CDK13: variants seen among roughly 807,000 people sequenced by gnomAD.
CDK13 encodes cyclin-dependent kinase 13.
A neutral mutation model predicts 137.6 loss-of-function variants in CDK13; 40 were observed. The observed-to-expected ratio is 0.29, with a 90% CI of 0.23 to 0.38. CDK13 has a LOEUF of 0.38. Ranked by LOEUF, CDK13 falls within the 10% of genes least tolerant of loss-of-function variation. The pLI, the probability that CDK13 is intolerant of heterozygous loss-of-function variation, is 1.00. For missense variants in CDK13, 1,704 were observed against 1,951.8 expected (o/e 0.87, Z 2.39); for synonymous variants, 869 against 760.1 (o/e 1.14, Z -2.36).
At chr7:40,068,707 GAAAAAA>G (rs1158145409) in intron 9 of CDK13, among the ~76,000 whole-genome samples, 11 of 47,080 alleles carry the variant, frequency 2.3e-4, no homozygotes, top group African/African-American at 4.7e-4. Context: ...CTATGTCTCA[GAAAAAA>G]AAAAAAAAAA....
chr7:39,964,693 T>G (rs1411650305), intron 1 of CDK13, among the ~76,000 whole-genome samples: 3 of 152,268 alleles, frequency 2.0e-5, no homozygotes, highest in Admixed American at 6.5e-5. Flanking sequence ...TTGCTCTTGC[T>G]TCTCTAGTTC....
At chr7:39,952,538 G>A (rs1787264544) in intron 1 of CDK13, 1 of 152,172 alleles carries the variant, frequency 6.6e-6, no homozygotes, top group African/African-American at 2.4e-5. Context: ...AAAATGACAA[G>A]ACTGTGGTTT....
rs1278411562 is a variant in CDK13, at chr7:40,098,180, A to G, written c.*3200A>G. 1 of 152,150 alleles carries G rather than the reference A, an allele frequency of 6.6e-6. No homozygotes were observed. Among genetic ancestry groups the G allele is most frequent in the Non-Finnish European group, 1.5e-5 (1 of 67,994 alleles). The allele number at this position is 152,150 out of a possible 1,614,324, so 9.4% of individuals were successfully genotyped here. A position where few individuals can be genotyped will look rare whatever the true frequency, so the allele number is the denominator to read the frequency against. On this transcript the variant is annotated 3_prime_UTR_variant, in exon 14 of 14. Coordinates refer to ENST00000181839, the MANE Select transcript of CDK13 (RefSeq NM_003718.5). Reference sequence around the variant, plus strand: ...GAATAGCTGTTTGATATCACTTAAAAGTGATAAAATTTTAAGTTGAATCTG... The same window carrying G: ...GAATAGCTGTTTGATATCACTTAAAGGTGATAAAATTTTAAGTTGAATCTG...
rs571152862 is a variant in CDK13 at position 39,974,502 on chromosome 7, T to A, written c.1212-13097T>A. ...GTATAAGCCTTGCACTTTTTAAACT[T>A]TTAGGTATTTCATCCTTTTAAAGGC... On this transcript the variant is annotated intron_variant, in intron 1 of 13. Coordinates refer to ENST00000181839, the MANE Select transcript of CDK13 (RefSeq NM_003718.5). Among the ~76,000 whole-genome samples the A allele has an allele frequency of 2.6e-5, 4 of 152,264 alleles. No individual in the cohort carries two copies. In the South Asian group the frequency reaches 8.3e-4, roughly 32 times the overall value.
intron 2 of CDK13, among the ~76,000 whole-genome samples, chr7:39,995,934 C>T (rs1348442463): frequency 1.3e-5 from 2 of 152,130 alleles, no homozygotes; most frequent in African/African-American, 2.4e-5. Flanking sequence ...CGCTTGAACT[C>T]GGGAGATGGA....
At chr7:40,042,431 A>G (rs1399058331) in intron 5 of CDK13, among the ~76,000 whole-genome samples, 1 of 146,544 alleles carries the variant, frequency 6.8e-6, no homozygotes, top group Non-Finnish European at 1.5e-5. Context: ...ATATTAATCT[A>G]GTATATGTTA....
At chr7:39,999,671 C>A (rs1444602120) in intron 4 of CDK13, among the ~76,000 whole-genome samples, 171 bp downstream of exon 4, 1 of 152,082 alleles carries the variant, frequency 6.6e-6, no homozygotes, top group Non-Finnish European at 1.5e-5. Context: ...GATATGAGTA[C>A]ATGTAAGTGG....
intron 2 of CDK13, among the ~76,000 whole-genome samples, chr7:39,989,558 C>A (rs1784414342): frequency 1.3e-5 from 2 of 152,038 alleles, no homozygotes; most frequent in South Asian, 2.1e-4. Context: ...TAAAAATAAT[C>A]AAAATGTTGT....
chr7:39,983,066 G>A (rs111486838), intron 1 of CDK13, among the ~76,000 whole-genome samples: 14 of 152,286 alleles, frequency 9.2e-5, no homozygotes, highest in African/African-American at 3.1e-4. Context: ...ATTGCTTTTG[G>A]TGTTTTATTA....
In CDK13 at chr7:40,078,726, T is replaced by C; in HGVS notation, c.2904T>C (p.Pro968=). The C allele has an allele frequency of 1.3e-6, 2 of 1,496,198 alleles. No homozygotes were observed. Among genetic ancestry groups the C allele is most frequent in the Non-Finnish European group, 1.8e-6 (2 of 1,118,714 alleles). The allele number at this position is 1,496,198 out of a possible 1,614,324, so 92.7% of individuals were successfully genotyped here. ...RKLREEFVFI[P]AAALDLFDYM... Reference sequence around the variant, plus strand: ...TGTAATCCTCTCATGCTAGTATTCCTGCAGCTGCGCTAGACTTATTTGATT... The same window carrying C: ...TGTAATCCTCTCATGCTAGTATTCCCGCAGCTGCGCTAGACTTATTTGATT... The change falls in exon 11 of 14, where the codon CCT becomes CCC. Residue 968 remains proline, a synonymous_variant. Transcript: ENST00000181839.
intron 4 of CDK13, 38 bp downstream of exon 4, chr7:39,999,538 G>A (rs773042823): frequency 6.5e-7 from 1 of 1,548,286 alleles, no homozygotes; most frequent in Non-Finnish European, 8.7e-7. Context: ...TGGGCCTACG[G>A]AATGTACTTA....
At chr7:40,077,950 G>C in intron 9 of CDK13, 55 bp from the exon 10 acceptor site, 1 of 715,996 alleles carries the variant, frequency 1.4e-6, no homozygotes, top group South Asian at 2.4e-5. Flanking sequence ...TATAACAGTT[G>C]TATGTATTCT....
intron 5 of CDK13, among the ~76,000 whole-genome samples, chr7:40,023,542 C>T (rs556693220): frequency 1.3e-4 from 20 of 151,864 alleles, no homozygotes; most frequent in African/African-American, 4.6e-4. Flanking sequence ...CTCTGTCACC[C>T]GGGCTGGAGT....
At chr7:39,992,667 C>G (rs1403498700) in intron 2 of CDK13, among the ~76,000 whole-genome samples, 1 of 151,470 alleles carries the variant, frequency 6.6e-6, no homozygotes, top group Non-Finnish European at 1.5e-5. Context: ...AATCAGTACT[C>G]CCCCCCTACC....
Position 39,951,176 on chromosome 7 carries a change from G to A in CDK13, c.535G>A (p.Gly179Arg), listed in dbSNP as rs2116057022. 2 of 1,243,452 alleles carry A rather than the reference G, an allele frequency of 1.6e-6. No homozygotes were observed. The highest frequency in any genetic ancestry group is 3.7e-5 in the South Asian group (1 of 27,266). The allele number at this position is 1,243,452 out of a possible 1,614,324, so 77.0% of individuals were successfully genotyped here. A position where few individuals can be genotyped will look rare whatever the true frequency, so the allele number is the denominator to read the frequency against. Residue 179 changes from glycine (G) to arginine (R), a missense_variant, in exon 1 of 14, where the codon GGG becomes AGG. Gly to Arg is a moderately radical substitution (Grantham distance 125, BLOSUM62 -2). Coordinates refer to ENST00000181839, the MANE Select transcript of CDK13 (RefSeq NM_003718.5). Reference protein sequence around the residue: ...TAAGGTGGSGGSPASSSGTQR... With the variant: ...TAAGGTGGSGRSPASSSGTQR... ...TGCCGGGGGAACGGGGGGCAGCGGC[G>A]GGAGTCCGGCCTCCTCCTCCGGCAC...
At chr7:40,063,209 TG>T in intron 9 of CDK13, 109 bp downstream of exon 9, 1 of 795,834 alleles carries the variant, frequency 1.3e-6, no homozygotes, top group East Asian at 2.6e-5. Context: ...CATGGTTCTC[TG>T]GAGGGCTTAT....
intron 1 of CDK13, among the ~76,000 whole-genome samples, chr7:39,981,330 C>G (rs1191513750): frequency 6.6e-6 from 1 of 151,642 alleles, no homozygotes. Flanking sequence ...GTTTGCGCCA[C>G]TGCACTCCAG....
chr7:39,994,920 C>A (rs1371851325), intron 2 of CDK13, among the ~76,000 whole-genome samples: 4 of 150,752 alleles, frequency 2.7e-5, no homozygotes, highest in African/African-American at 7.3e-5. Flanking sequence ...AAAAAAAAAA[C>A]AACTCTTCCT....
intron 1 of CDK13, among the ~76,000 whole-genome samples, chr7:39,962,386 GTGA>G (rs1334834232): frequency 6.6e-6 from 1 of 152,234 alleles, no homozygotes; most frequent in African/African-American, 2.4e-5. Context: ...CTGATGACCA[GTGA>G]TGATGAGCAT....
Sources: gnomAD v4.1 joint callset for allele counts (sites outside exome capture counted in the v4.1 genomes callset) on GRCh38, gnomAD v4.1.1 for gene constraint, MANE v1.5 for transcripts, NCBI Gene and HGNC (gene_info 2026-07-23, HGNC 2026-07-21) for gene names.